Variants in TNS1 observed in about 807,000 individuals in gnomAD.
TNS1 encodes the protein tensin 1.
Under a neutral mutation model 168.6 loss-of-function variants are expected in TNS1, and 62 were observed. That is an observed-to-expected ratio of 0.37 (90% CI 0.30 to 0.45). TNS1 has a LOEUF of 0.45. Ranked by LOEUF, TNS1 falls within the 20% of genes least tolerant of loss-of-function variation. The pLI, the probability that TNS1 is intolerant of heterozygous loss-of-function variation, is 1.00. For synonymous variants in TNS1, 934 were observed against 933.2 expected (o/e 1.00, Z -0.02); for missense variants, 2,240 against 2,339.4 (o/e 0.96, Z 0.88).
At chr2:217,988,404 C>A (rs1209433046) in intron 2 of TNS1, among the ~76,000 whole-genome samples, 2 of 152,204 alleles carry the variant, frequency 1.3e-5, no homozygotes, top group African/African-American at 4.8e-5. Context: ...GAGACTGCAG[C>A]CAGAGAAATG....
intron 22 of TNS1, among the ~76,000 whole-genome samples, chr2:217,823,351 G>A (rs1276776855): frequency 5.3e-5 from 8 of 152,178 alleles, no homozygotes; most frequent in Non-Finnish European, 1.2e-4. Flanking sequence ...AGGTCCTCCA[G>A]GTCCCTCCTC....
At chr2:217,849,994 T>C in intron 18 of TNS1, 2 of 985,446 alleles carry the variant, frequency 2.0e-6, no homozygotes, top group Non-Finnish European at 2.4e-6. Flanking sequence ...ATGTCATTCA[T>C]GCTGCCCACT....
At position 217,804,509 on chromosome 2, in the gene TNS1, T is replaced by C. The variant is rs1268483399; in HGVS notation, c.5470A>G (p.Ile1824Val). Residue 1824 changes from isoleucine (I) to valine (V), a missense_variant, in exon 33 of 33, where the codon ATC becomes GTC. Ile to Val is a conservative substitution (Grantham distance 29). Coordinates refer to ENST00000682258, the MANE Select transcript of TNS1 (RefSeq NM_001387777.1). ...ELDPNQPASAIVNFVSKVMLN... is the reference protein window; with the variant it reads ...ELDPNQPASAVVNFVSKVMLN... The stretch of plus-strand genomic sequence containing the variant: ...ATGACCTTGGAGACGAAGTTGACGA[T>C]GGCAGAGGCCGGCTGGTTGGGGTCA... 1 of 1,614,132 alleles carries C rather than the reference T, an allele frequency of 6.2e-7. No homozygotes were observed. Among genetic ancestry groups the C allele is most frequent in the South Asian group, 1.1e-5 (1 of 91,084 alleles).
intron 3 of TNS1, among the ~76,000 whole-genome samples, chr2:217,959,395 T>TCTTAGCATGGAAC (rs1256418990): frequency 6.7e-6 from 1 of 149,096 alleles, no homozygotes; most frequent in African/African-American, 2.5e-5. Context: ...GAACCTGGTG[T>TCTTAGCATGGAAC]CTTAGCATGG....
At chr2:217,808,219 A>T (rs1434536931) in intron 31 of TNS1, 112 bp from the exon 32 acceptor site, 2 of 1,173,696 alleles carry the variant, frequency 1.7e-6, no homozygotes, top group Non-Finnish European at 2.4e-6. Flanking sequence ...GCTGCCCCCC[A>T]TTCCCCCCTC....
At chr2:217,855,700 C>T (rs373671731) in intron 18 of TNS1, among the ~76,000 whole-genome samples, 1 of 152,282 alleles carries the variant, frequency 6.6e-6, no homozygotes, top group East Asian at 1.9e-4. Context: ...GAGAAGAGTG[C>T]TTGTTCCATA....
At chr2:218,010,489 C>T (rs1310514239), upstream of TNS1, 1 of 289,700 alleles carries the variant, frequency 3.5e-6, no homozygotes, top group Non-Finnish European at 6.4e-6. Flanking sequence ...TCTTCCTCCG[C>T]GGCTTTCTCC....
upstream of TNS1, among the ~76,000 whole-genome samples, chr2:218,006,947 G>A (rs750079426): frequency 6.6e-6 from 1 of 152,078 alleles, no homozygotes; most frequent in Non-Finnish European, 1.5e-5. Flanking sequence ...GAAAGGTGGC[G>A]TGACTCATCA....
At chr2:217,907,492 C>T (rs1414456337) in intron 4 of TNS1, among the ~76,000 whole-genome samples, 1 of 152,240 alleles carries the variant, frequency 6.6e-6, no homozygotes, top group Non-Finnish European at 1.5e-5. Context: ...CAAAGACCCA[C>T]GCTCAGTGCC....
chr2:217,947,246 A>G (rs1327629947), intron 3 of TNS1, among the ~76,000 whole-genome samples: 1 of 151,854 alleles, frequency 6.6e-6, no homozygotes, highest in African/African-American at 2.4e-5. Flanking sequence ...GGTTTCTCAT[A>G]AAACTGAATA....
intron 1 of TNS1, among the ~76,000 whole-genome samples, chr2:217,991,528 C>T (rs889716012): frequency 1.3e-5 from 2 of 152,114 alleles, no homozygotes; most frequent in Admixed American, 6.5e-5. Flanking sequence ...AGTCATGGTG[C>T]CAGATTTTTA....
At chr2:217,947,661 G>A (rs1023153962) in intron 3 of TNS1, among the ~76,000 whole-genome samples, 3 of 152,128 alleles carry the variant, frequency 2.0e-5, no homozygotes, top group African/African-American at 4.8e-5. Context: ...CGACAGAAAG[G>A]GGACAAAGGA....
rs1937624194 is a variant in TNS1 at position 217,802,601 on chromosome 2, A to C, written c.*1858T>G. 6.6e-6 allele frequency: 1 copy of C among 152,348 alleles called. No homozygotes were observed. The highest frequency in any genetic ancestry group is 1.5e-5 in the Non-Finnish European group (1 of 68,038). The allele number at this position is 152,348 out of a possible 1,614,324, so 9.4% of individuals were successfully genotyped here. ...GCAACCCCTCCCAATGCTGAGCCCC[A>C]CACAGTCTAGGGAAGGCCAAGGCCA... is the stretch of plus-strand genomic sequence containing the variant. On this transcript the variant is annotated 3_prime_UTR_variant, in exon 33 of 33. Transcript: ENST00000682258.
intron 4 of TNS1, among the ~76,000 whole-genome samples, chr2:217,917,337 A>T (rs1387292402): frequency 6.6e-6 from 1 of 152,262 alleles, no homozygotes; most frequent in Non-Finnish European, 1.5e-5. Context: ...TGTGCAAGGC[A>T]GCGGGGACAC....
At chr2:217,960,037 T>C (rs1957459936) in intron 3 of TNS1, among the ~76,000 whole-genome samples, 1 of 152,030 alleles carries the variant, frequency 6.6e-6, no homozygotes, top group Non-Finnish European at 1.5e-5. Context: ...GCAGAGGGTC[T>C]AGAAGGGACT....
chr2:217,969,785 G>A (rs1229528415), intron 3 of TNS1, among the ~76,000 whole-genome samples: 1 of 152,204 alleles, frequency 6.6e-6, no homozygotes, highest in Non-Finnish European at 1.5e-5. Flanking sequence ...AATAACAAGT[G>A]TTGACAAGGA....
At chr2:218,022,980 C>T (rs2106010787) in intron 1 of TNS1, among the ~76,000 whole-genome samples, 1 of 152,312 alleles carries the variant, frequency 6.6e-6, no homozygotes, top group African/African-American at 2.4e-5. Flanking sequence ...ACCCCAACCT[C>T]AAAGAAGGTG....
At chr2:217,872,719 A>G (rs1046604809) in intron 18 of TNS1, among the ~76,000 whole-genome samples, 8 of 152,256 alleles carry the variant, frequency 5.3e-5, no homozygotes, top group Admixed American at 2.0e-4. Context: ...ACCTAAGTCC[A>G]CACAAAAACT....
chr2:217,838,142 G>A (rs547227890), intron 19 of TNS1, among the ~76,000 whole-genome samples: 6 of 152,344 alleles, frequency 3.9e-5, no homozygotes, highest in Admixed American at 6.5e-5. Flanking sequence ...TCTCAGTTCC[G>A]GGCTCCTCTG....
Sources: allele counts gnomAD v4.1 joint callset (sites outside exome capture counted in the v4.1 genomes callset), GRCh38; gene constraint gnomAD v4.1.1; transcripts MANE v1.5; gene names NCBI Gene and HGNC (gene_info 2026-07-23, HGNC 2026-07-21).